Variants in PDSS2 observed in about 807,000 individuals in gnomAD.
PDSS2 encodes the protein all trans-polyprenyl-diphosphate synthase PDSS2.
A neutral mutation model predicts 44.5 loss-of-function variants in PDSS2; 31 were observed. The ratio of observed to expected loss-of-function variants is 0.70; its 90% CI spans 0.52 to 0.94. The LOEUF (loss-of-function observed/expected upper bound fraction) is 0.94. PDSS2 is among the 40% of genes least tolerant of loss of function. The pLI is 0.00. For synonymous variants in PDSS2, 157 were observed against 180.3 expected, an observed-to-expected ratio of 0.87 and a Z score of 1.03; for missense variants, 452 against 482.2, an observed-to-expected ratio of 0.94 and a Z score of 0.59.
intron 1 of PDSS2, among the ~76,000 whole-genome samples, chr6:107,407,351 T>G (rs1036978699): frequency 1.3e-5 from 2 of 152,106 alleles, no homozygotes; most frequent in African/African-American, 4.8e-5. Flanking sequence ...TTCTGAAAAT[T>G]AATAGTGGTG....
At chr6:107,433,029 T>C (rs1781240575) in intron 1 of PDSS2, among the ~76,000 whole-genome samples, 1 of 152,166 alleles carries the variant, frequency 6.6e-6, no homozygotes, top group Non-Finnish European at 1.5e-5. Context: ...GTGGTATGTA[T>C]CTTTCTGTTC....
At chr6:107,259,195 G>C (rs149084488) in intron 3 of PDSS2, among the ~76,000 whole-genome samples, 1 of 152,250 alleles carries the variant, frequency 6.6e-6, no homozygotes, top group Non-Finnish European at 1.5e-5. Flanking sequence ...TAATTTTAAT[G>C]ATTAAATTTT....
At chr6:107,368,810 T>G (rs777489422) in intron 1 of PDSS2, among the ~76,000 whole-genome samples, 2 of 151,960 alleles carry the variant, frequency 1.3e-5, no homozygotes, top group African/African-American at 2.4e-5. Flanking sequence ...AAAAAAGAAA[T>G]TGATAAGGTG....
chr6:107,389,455 C>T (rs1779714647), intron 1 of PDSS2, among the ~76,000 whole-genome samples: 2 of 152,250 alleles, frequency 1.3e-5, no homozygotes, highest in Admixed American at 6.5e-5. Context: ...CTGTTTCTCA[C>T]AGGGGTATGA....
intron 2 of PDSS2, among the ~76,000 whole-genome samples, chr6:107,298,469 A>G (rs1776583292): frequency 6.6e-6 from 1 of 152,214 alleles, no homozygotes; most frequent in African/African-American, 2.4e-5. Context: ...TAACCATTTT[A>G]TATCAGAGAC....
At chr6:107,281,817 A>G (rs1458020449) in intron 2 of PDSS2, among the ~76,000 whole-genome samples, 5 of 152,110 alleles carry the variant, frequency 3.3e-5, no homozygotes, top group Admixed American at 6.6e-5. Flanking sequence ...CCCTTCCCTC[A>G]CGACACTGTA....
chr6:107,183,374 A>G (rs1477139395), intron 7 of PDSS2, among the ~76,000 whole-genome samples: 1 of 152,162 alleles, frequency 6.6e-6, no homozygotes, highest in Admixed American at 6.6e-5. Context: ...CAATCTCCAT[A>G]GTTATCACTA....
chr6:107,206,548 A>G (rs1772984646), intron 6 of PDSS2, among the ~76,000 whole-genome samples: 1 of 152,240 alleles, frequency 6.6e-6, no homozygotes, highest in Admixed American at 6.5e-5. Flanking sequence ...CTTAGATGCT[A>G]GCAGAGTCCA....
At chr6:107,284,850 C>T (rs942594961) in intron 2 of PDSS2, among the ~76,000 whole-genome samples, 1 of 152,190 alleles carries the variant, frequency 6.6e-6, no homozygotes, top group Non-Finnish European at 1.5e-5. Flanking sequence ...GAGACAATTA[C>T]TGTATGCTGA....
chr6:107,427,076 C>T (rs914849515), intron 1 of PDSS2, among the ~76,000 whole-genome samples: 2 of 152,136 alleles, frequency 1.3e-5, no homozygotes, highest in Non-Finnish European at 2.9e-5. Flanking sequence ...TGTCTCCACC[C>T]TAATCTCATC....
chr6:107,154,551 G>A lies in PDSS2; in HGVS notation c.*68C>T. ...TAAAAGTCATTAACGCATCGTGAAA[G>A]CGCTCCCAATCAACCTCATTCCCTA... On this transcript the variant is annotated 3_prime_UTR_variant, in exon 8 of 8. Coordinates refer to ENST00000369037, the MANE Select transcript of PDSS2 (RefSeq NM_020381.4). The A allele has an allele frequency of 1.4e-6, 2 of 1,437,810 alleles. No homozygotes were observed. Among genetic ancestry groups the A allele is most frequent in the Non-Finnish European group, 2.0e-6 (2 of 1,020,412 alleles). 89.1% of individuals were successfully genotyped at this position (1,437,810 alleles called of 1,614,324 possible).
intron 4 of PDSS2, among the ~76,000 whole-genome samples, chr6:107,223,599 C>A (rs1278474705): frequency 2.0e-5 from 3 of 150,786 alleles, no homozygotes; most frequent in African/African-American, 7.4e-5. Flanking sequence ...GTGGTTCCAG[C>A]CACACATGGG....
intron 1 of PDSS2, among the ~76,000 whole-genome samples, chr6:107,409,107 G>C (rs1259758486): frequency 6.6e-6 from 1 of 152,116 alleles, no homozygotes; most frequent in African/African-American, 2.4e-5. Flanking sequence ...CAAAATGTCA[G>C]GAACTCAGAT....
intron 1 of PDSS2, among the ~76,000 whole-genome samples, chr6:107,400,556 G>A (rs1170470726): frequency 6.6e-6 from 1 of 152,120 alleles, no homozygotes; most frequent in East Asian, 1.9e-4. Context: ...GACTTGGCTG[G>A]CTGTCTCAGC....
chr6:107,385,706 C>T (rs1779589940), intron 1 of PDSS2, among the ~76,000 whole-genome samples: 1 of 152,076 alleles, frequency 6.6e-6, no homozygotes, highest in Admixed American at 6.6e-5. Flanking sequence ...GACAGCTCAA[C>T]CCTAAAAGCT....
At chr6:107,271,210 A>G (rs1775587877) in intron 3 of PDSS2, among the ~76,000 whole-genome samples, 1 of 152,222 alleles carries the variant, frequency 6.6e-6, no homozygotes, top group South Asian at 2.1e-4. Flanking sequence ...GTCAACAAAC[A>G]TTTTGTTCAA....
chr6:107,422,350 G>A (rs1283697483), intron 1 of PDSS2, among the ~76,000 whole-genome samples: 2 of 151,822 alleles, frequency 1.3e-5, no homozygotes, highest in Non-Finnish European at 2.9e-5. Flanking sequence ...AATATCCAAG[G>A]TTAGTAAGAA....
chr6:107,211,130 G>A (rs1773189349), intron 5 of PDSS2, among the ~76,000 whole-genome samples: 1 of 151,828 alleles, frequency 6.6e-6, no homozygotes, highest in South Asian at 2.1e-4. Flanking sequence ...TTTAGATAAA[G>A]ATTTAATAAA....
chr6:107,174,012 A>G (rs940962313), intron 7 of PDSS2, among the ~76,000 whole-genome samples: 11 of 152,234 alleles, frequency 7.2e-5, no homozygotes, highest in Admixed American at 5.2e-4. Context: ...CAGCATCAGC[A>G]GGTGTACATG....
Sources: allele counts gnomAD v4.1 joint callset (sites outside exome capture counted in the v4.1 genomes callset), GRCh38; gene constraint gnomAD v4.1.1; transcripts MANE v1.5; gene names NCBI Gene and HGNC (gene_info 2026-07-23, HGNC 2026-07-21).